Variants in PREX1 observed in about 807,000 individuals in gnomAD.
The protein encoded by PREX1 is phosphatidylinositol-3,4,5-trisphosphate dependent Rac exchange factor 1, also known as phosphatidylinositol 3,4,5-trisphosphate-dependent Rac exchanger 1 protein.
PREX1 carries 41 observed loss-of-function variants against 198.3 expected under a neutral mutation model. The ratio of observed to expected loss-of-function variants is 0.21; its 90% CI spans 0.16 to 0.27. The LOEUF is 0.27. Among genes scored for constraint, PREX1 ranks in the 10% least tolerant of loss-of-function variants. The pLI is 1.00. For missense variants in PREX1, 1,620 were observed against 2,200.7 expected, an observed-to-expected ratio of 0.74 and a Z score of 5.28; for synonymous variants, 843 against 887.2, an observed-to-expected ratio of 0.95 and a Z score of 0.89.
At position 48,649,915 on chromosome 20, in the gene PREX1, G is replaced by A. The variant is rs1427341183; in HGVS notation, c.3028+81C>T. 4.0e-6 allele frequency: 6 copies of A among 1,503,238 alleles called. No individual in the cohort carries two copies. The African/African-American group carries it at 4.1e-5, about 10-fold the overall frequency. 93.1% of individuals were successfully genotyped at this position (1,503,238 alleles called of 1,614,324 possible). ...TGGAGCCGCCATTCCAGCCCTGGAC[G>A]GCTGACCTTCAGACAAGTTTTGGTT... On this transcript the variant is annotated intron_variant, in intron 24 of 39. Coordinates refer to ENST00000371941, the MANE Select transcript of PREX1 (RefSeq NM_020820.4).
intron 1 of PREX1, among the ~76,000 whole-genome samples, chr20:48,801,340 G>A (rs766048854): frequency 1.3e-4 from 20 of 152,124 alleles, no homozygotes; most frequent in Admixed American, 2.0e-4. Context: ...TGGCCAGTCG[G>A]GCTCTCCCTC....
the PREX1 span, among the ~76,000 whole-genome samples, chr20:48,857,860 C>T: frequency 6.6e-6 from 1 of 152,180 alleles, no homozygotes; most frequent in Non-Finnish European, 1.5e-5. Flanking sequence ...ATGAGCTGGT[C>T]CTGTAGCTTG....
chr20:48,643,318 A>C (rs1262076728), intron 27 of PREX1, among the ~76,000 whole-genome samples: 2 of 152,112 alleles, frequency 1.3e-5, no homozygotes, highest in Non-Finnish European at 2.9e-5. Context: ...AAAATACAAA[A>C]ATTATCTGAA....
chr20:48,844,622 G>A, the PREX1 span, among the ~76,000 whole-genome samples: 3 of 152,256 alleles, frequency 2.0e-5, no homozygotes, highest in South Asian at 6.2e-4. Flanking sequence ...GTGGCTTGTG[G>A]ATGTTGTTGT....
intron 1 of PREX1, among the ~76,000 whole-genome samples, chr20:48,789,519 C>A (rs1162904811): frequency 2.0e-5 from 3 of 152,172 alleles, no homozygotes; most frequent in African/African-American, 7.2e-5. Context: ...GATAAGGGAG[C>A]GGAGTCACCT....
intron 5 of PREX1, among the ~76,000 whole-genome samples, chr20:48,710,552 T>C (rs752803684): frequency 2.6e-5 from 4 of 152,366 alleles, no homozygotes; most frequent in Admixed American, 1.3e-4. Flanking sequence ...AGACCGTTTG[T>C]CCAAGGTCAC....
the PREX1 span, among the ~76,000 whole-genome samples, chr20:48,870,061 A>T: frequency 6.6e-6 from 1 of 152,152 alleles, no homozygotes; most frequent in Non-Finnish European, 1.5e-5. Flanking sequence ...TCCTACATAT[A>T]TATTTTTCAC....
intron 3 of PREX1, among the ~76,000 whole-genome samples, chr20:48,738,760 A>G (rs2090068369): frequency 6.6e-6 from 1 of 152,136 alleles, no homozygotes; most frequent in Non-Finnish European, 1.5e-5. Flanking sequence ...AAGGATTGTG[A>G]GAGGTGGCAG....
At chr20:48,738,590 C>A (rs1357884002) in intron 3 of PREX1, among the ~76,000 whole-genome samples, 1 of 152,202 alleles carries the variant, frequency 6.6e-6, no homozygotes, top group African/African-American at 2.4e-5. Flanking sequence ...GGAGGCCCGA[C>A]ATGGGGCTCT....
At chr20:48,765,900 T>C (rs2090205725) in intron 1 of PREX1, among the ~76,000 whole-genome samples, 1 of 152,120 alleles carries the variant, frequency 6.6e-6, no homozygotes, top group Non-Finnish European at 1.5e-5. Context: ...CCATCCCCAT[T>C]GCCCGCATGA....
rs571845949 is a variant in PREX1 at position 48,652,688 on chromosome 20, A to G, written c.2365T>C (p.Tyr789His). The G allele has an allele frequency of 1.2e-6, 2 of 1,612,982 alleles. No homozygotes were observed. The highest frequency in any genetic ancestry group is 1.1e-5 in the South Asian group (1 of 90,912). ...TCCTGGGCATCCTCATGGGTGTGGTAGATCCACTGGTACAGGCCCTGCCAG... is the reference window on the plus strand; with the variant it reads ...TCCTGGGCATCCTCATGGGTGTGGTGGATCCACTGGTACAGGCCCTGCCAG... The part of the protein sequence containing the change: ...EEALGLYQWI[Y>H]HTHEDAQEAR... The change falls in exon 21 of 40, where the codon TAC (tyrosine) becomes CAC (histidine). Residue 789 changes from tyrosine to histidine, a missense_variant. Around this residue, in one of 7 missense-constraint regions of PREX1, gnomAD observed 514 missense variants for 611.6 expected, o/e 0.84. Coordinates refer to ENST00000371941, the MANE Select transcript of PREX1 (RefSeq NM_020820.4).
At chr20:48,847,364 T>TAAAAAAAAA in the PREX1 span, among the ~76,000 whole-genome samples, 262 of 77,148 alleles carry the variant, frequency 3.4e-3, 9 homozygotes, top group African/African-American at 0.013. Flanking sequence ...CCTTCTCTTA[T>TAAAAAAAAA]AAAAAAAAAA....
intron 1 of PREX1, among the ~76,000 whole-genome samples, chr20:48,772,427 G>A (rs928532986): frequency 9.2e-5 from 14 of 152,132 alleles, no homozygotes; most frequent in Non-Finnish European, 1.8e-4. Context: ...TGGGTGAGAC[G>A]TGCCCATGGC....
intron 1 of PREX1, among the ~76,000 whole-genome samples, chr20:48,771,084 G>C (rs1490297539): frequency 6.6e-6 from 1 of 152,126 alleles, no homozygotes; most frequent in South Asian, 2.1e-4. Flanking sequence ...CACACATTCT[G>C]ACAGTGCCCA....
chr20:48,782,496 C>T (rs559306939), intron 1 of PREX1, among the ~76,000 whole-genome samples: 1 of 152,288 alleles, frequency 6.6e-6, no homozygotes, highest in Admixed American at 6.5e-5. Context: ...ATGTCTTTAT[C>T]AGCAGCGTGA....
chr20:48,858,740 C>T, the PREX1 span, among the ~76,000 whole-genome samples: 2 of 152,210 alleles, frequency 1.3e-5, no homozygotes, highest in Admixed American at 6.5e-5. Context: ...TAACTCTCTA[C>T]CATCAAATCA....
intron 1 of PREX1, among the ~76,000 whole-genome samples, chr20:48,760,916 T>C (rs1276574671): frequency 6.6e-6 from 1 of 152,156 alleles, no homozygotes; most frequent in Non-Finnish European, 1.5e-5. Context: ...CATCAGTGAA[T>C]GAACAAATCA....
intron 3 of PREX1, among the ~76,000 whole-genome samples, chr20:48,743,179 G>A (rs1179100208): frequency 6.6e-6 from 1 of 152,196 alleles, no homozygotes; most frequent in Non-Finnish European, 1.5e-5. Context: ...AGAGGTGAAA[G>A]GACTTGCCCA....
chr20:48,784,355 T>C (rs1169069918), intron 1 of PREX1, among the ~76,000 whole-genome samples: 1 of 152,202 alleles, frequency 6.6e-6, no homozygotes, highest in Non-Finnish European at 1.5e-5. Flanking sequence ...TCCTTGTTGA[T>C]TCTAAGAATT....
Sources: allele counts gnomAD v4.1 joint callset (sites outside exome capture counted in the v4.1 genomes callset), GRCh38; gene constraint gnomAD v4.1.1; regional missense constraint gnomAD v4.1.1; transcripts MANE v1.5; gene names NCBI Gene and HGNC (gene_info 2026-07-23, HGNC 2026-07-21).